GMDS: variants seen among roughly 807,000 people sequenced by gnomAD.
GMDS encodes the protein GDP-mannose 4,6-dehydratase.
Under a neutral mutation model 49.9 loss-of-function variants are expected in GMDS, and 20 were observed. That is an observed-to-expected ratio of 0.40 (90% CI 0.28 to 0.58). GMDS has a LOEUF of 0.58. Ranked by LOEUF, GMDS falls within the 20% of genes least tolerant of loss-of-function variation. The probability of loss-of-function intolerance (pLI) is 0.42; values close to 1 mark genes in which losing one functional copy is unlikely to be tolerated. For missense variants in GMDS, 362 were observed against 481.4 expected (o/e 0.75, Z 2.32); for synonymous variants, 177 against 178.6 (o/e 0.99, Z 0.07).
At chr6:1,975,323 G>C (rs912459755) in intron 4 of GMDS, among the ~76,000 whole-genome samples, 2 of 152,162 alleles carry the variant, frequency 1.3e-5, no homozygotes, top group African/African-American at 2.4e-5. Context: ...GACTGTCATA[G>C]GCCTTGACAA....
At chr6:1,782,878 G>T (rs1769163000) in intron 7 of GMDS, among the ~76,000 whole-genome samples, 1 of 152,262 alleles carries the variant, frequency 6.6e-6, no homozygotes, top group South Asian at 2.1e-4. Context: ...CAGAGGCTGG[G>T]TGTGGTGGCT....
intron 7 of GMDS, among the ~76,000 whole-genome samples, chr6:1,747,457 A>C (rs1767541925): frequency 1.6e-5 from 1 of 60,886 alleles, no homozygotes; most frequent in Non-Finnish European, 3.2e-5. Context: ...AAACCTTAAA[A>C]CTACACACAC....
chr6:1,686,743 C>T (rs776395785), intron 9 of GMDS, among the ~76,000 whole-genome samples: 6 of 152,254 alleles, frequency 3.9e-5, no homozygotes, highest in Non-Finnish European at 7.4e-5. Flanking sequence ...AGTACATTAA[C>T]GCAGCAACTT....
At chr6:1,630,045 A>C (rs1336394001) in intron 9 of GMDS, among the ~76,000 whole-genome samples, 2 of 152,244 alleles carry the variant, frequency 1.3e-5, no homozygotes, top group African/African-American at 4.8e-5. Flanking sequence ...TGTATAGTGC[A>C]ACCTACATAT....
chr6:2,078,321 T>C (rs1362849059), intron 4 of GMDS, among the ~76,000 whole-genome samples: 1 of 152,076 alleles, frequency 6.6e-6, no homozygotes, highest in African/African-American at 2.4e-5. Context: ...ATCTTGGATT[T>C]GTTTTGTTCT....
chr6:1,806,090 G>A (rs1254334125), intron 7 of GMDS, among the ~76,000 whole-genome samples: 1 of 152,084 alleles, frequency 6.6e-6, no homozygotes. Context: ...TCCAGCCTGG[G>A]CAACATAGTG....
At chr6:1,819,359 C>T (rs1298197011) in intron 7 of GMDS, among the ~76,000 whole-genome samples, 2 of 152,202 alleles carry the variant, frequency 1.3e-5, no homozygotes, top group African/African-American at 2.4e-5. Flanking sequence ...TTTTATTCGA[C>T]GGATTCATTA....
At chr6:1,999,018 C>G (rs542393224) in intron 4 of GMDS, among the ~76,000 whole-genome samples, 2 of 152,200 alleles carry the variant, frequency 1.3e-5, no homozygotes, top group African/African-American at 4.8e-5. Flanking sequence ...TTATCCCAAA[C>G]CATTTTAAAT....
chr6:1,998,627 A>T (rs1264255279), intron 4 of GMDS, among the ~76,000 whole-genome samples: 1 of 152,226 alleles, frequency 6.6e-6, no homozygotes, highest in Admixed American at 6.5e-5. Flanking sequence ...AAGAATAAAA[A>T]GTATTACTTT....
At chr6:1,997,474 C>T (rs1766362771) in intron 4 of GMDS, among the ~76,000 whole-genome samples, 1 of 145,360 alleles carries the variant, frequency 6.9e-6, no homozygotes, top group African/African-American at 2.6e-5. Context: ...CGCCACTGCA[C>T]TCCAGCCTGG....
chr6:1,706,547 GT>G (rs1404147982), intron 9 of GMDS, among the ~76,000 whole-genome samples: 8 of 152,216 alleles, frequency 5.3e-5, no homozygotes, highest in Admixed American at 3.3e-4. Flanking sequence ...AGTCACACAT[GT>G]TCGCTAATGA....
intron 7 of GMDS, among the ~76,000 whole-genome samples, chr6:1,780,822 G>C (rs932990024): frequency 6.6e-6 from 1 of 152,218 alleles, no homozygotes. Context: ...TATACACCAA[G>C]GTGATGATTC....
At chr6:2,055,415 A>G (rs1219857762) in intron 4 of GMDS, among the ~76,000 whole-genome samples, 1 of 152,156 alleles carries the variant, frequency 6.6e-6, no homozygotes, top group East Asian at 1.9e-4. Flanking sequence ...ACCATCAACA[A>G]TGAAGAAAAT....
At position 2,210,775 on chromosome 6, in the gene GMDS, C is replaced by A. The variant is rs951789155; in HGVS notation, c.102+34546G>T. 4.6e-5 allele frequency among the ~76,000 whole-genome samples: 7 copies of A among 152,202 alleles called. No homozygotes were observed. The South Asian group carries it at 1.4e-3, about 31-fold the overall frequency. ...CCTATCACACCACATGTAGTTCATC[C>A]CTTTCACGGCACTTAGTGACTAACA... On this transcript the variant is annotated intron_variant, in intron 1 of 10. Transcript: ENST00000380815.
chr6:1,746,813 T>C (rs1767517499), intron 7 of GMDS, among the ~76,000 whole-genome samples: 1 of 152,116 alleles, frequency 6.6e-6, no homozygotes, highest in South Asian at 2.1e-4. Flanking sequence ...GCGATTCTCC[T>C]GCCTCAGACT....
intron 4 of GMDS, among the ~76,000 whole-genome samples, chr6:2,064,826 C>T (rs1034063548): frequency 6.6e-6 from 1 of 152,168 alleles, no homozygotes; most frequent in African/African-American, 2.4e-5. Context: ...TTACAGAGTG[C>T]TTTTGGGGAG....
intron 7 of GMDS, among the ~76,000 whole-genome samples, chr6:1,893,193 CTTTTTTT>C (rs1197199049): frequency 7.8e-5 from 10 of 127,492 alleles, no homozygotes; most frequent in Non-Finnish European, 1.5e-4. Flanking sequence ...TTTTTGTTTT[CTTTTTTT>C]TTTTTTTTTT....
intron 4 of GMDS, among the ~76,000 whole-genome samples, chr6:1,975,652 A>G (rs1764857251): frequency 6.6e-6 from 1 of 152,240 alleles, no homozygotes; most frequent in Non-Finnish European, 1.5e-5. Flanking sequence ...GTAGAAAGTC[A>G]CATTAGGAAT....
At chr6:1,803,691 G>T (rs528110595) in intron 7 of GMDS, among the ~76,000 whole-genome samples, 4 of 152,156 alleles carry the variant, frequency 2.6e-5, no homozygotes, top group Non-Finnish European at 4.4e-5. Flanking sequence ...GAGAGGTGTT[G>T]ATCAACACTT....
Sources: allele counts gnomAD v4.1 joint callset (sites outside exome capture counted in the v4.1 genomes callset), GRCh38; gene constraint gnomAD v4.1.1; transcripts MANE v1.5; gene names NCBI Gene and HGNC (gene_info 2026-07-23, HGNC 2026-07-21).